The following ATG2B variants were observed in gnomAD, a reference collection of about 807,000 sequenced individuals.
ATG2B encodes the protein autophagy related 2B.
Under a neutral mutation model 241.3 loss-of-function variants are expected in ATG2B, and 121 were observed. The ratio of observed to expected loss-of-function variants is 0.50; its 90% CI spans 0.43 to 0.58. The LOEUF (loss-of-function observed/expected upper bound fraction) is 0.58. ATG2B is among the 20% of genes least tolerant of loss of function. The pLI, the probability that ATG2B is intolerant of heterozygous loss-of-function variation, is 0.00. For synonymous variants in ATG2B, 858 were observed against 876.6 expected, an observed-to-expected ratio of 0.98 and a Z score of 0.37; for missense variants, 2,306 against 2,491.6, an observed-to-expected ratio of 0.93 and a Z score of 1.59.
rs965970798 is a variant in ATG2B at position 96,279,923 on chromosome 14, T to C, written c.*5832A>G. 1 of 152,402 alleles carries C rather than the reference T, an allele frequency of 6.6e-6. No individual in the cohort carries two copies. Among genetic ancestry groups the C allele is most frequent in the Non-Finnish European group, 1.5e-5 (1 of 68,218 alleles). 9.4% of individuals were successfully genotyped at this position (152,402 alleles called of 1,614,324 possible). Reference sequence around the variant, plus strand: ...TGGCAACATCCCCTGCATCCTACAATGCACAGGCTGGTCCCAAATGTCAAC... The same window carrying C: ...TGGCAACATCCCCTGCATCCTACAACGCACAGGCTGGTCCCAAATGTCAAC... On this transcript the variant is annotated 3_prime_UTR_variant, in exon 42 of 42. Transcript: ENST00000359933.
chr14:96,322,212 C>T lies in ATG2B; in HGVS notation c.2779G>A (p.Asp927Asn). 6.3e-7 allele frequency: 1 copy of T among 1,596,866 alleles called. No individual in the cohort carries two copies. The highest frequency in any genetic ancestry group is 8.5e-7 in the Non-Finnish European group (1 of 1,174,982). The change falls in exon 18 of 42, where the codon GAT becomes AAT. Residue 927 changes from aspartate (D) to asparagine (N), a missense_variant. Transcript: ENST00000359933. ...TAGTGAGAATTGCTGATTGCTTTATCCTGAAATTCTGTCATTTCTACAGGG... is the reference window on the plus strand; with the variant it reads ...TAGTGAGAATTGCTGATTGCTTTATTCTGAAATTCTGTCATTTCTACAGGG... ...GDPVEMTEFQDKAISNSHYVL... is the reference protein window; with the variant it reads ...GDPVEMTEFQNKAISNSHYVL...
intron 29 of ATG2B, among the ~76,000 whole-genome samples, chr14:96,308,265 TATATATATATATA>T: frequency 3.8e-5 from 1 of 26,136 alleles, no homozygotes; most frequent in African/African-American, 1.3e-4. Context: ...CACATATATA[TATATATATATATA>T]TATATTTTTT....
At chr14:96,327,520 T>C (rs1056434951) in intron 14 of ATG2B, among the ~76,000 whole-genome samples, 1 of 152,118 alleles carries the variant, frequency 6.6e-6, no homozygotes, top group African/African-American at 2.4e-5. Flanking sequence ...TATCCCATAT[T>C]GTTTGGGCTT....
chr14:96,315,092 T>G (rs1595306936), intron 23 of ATG2B, 62 bp downstream of exon 23: 1 of 1,180,116 alleles, frequency 8.5e-7, no homozygotes, highest in South Asian at 1.3e-5. Context: ...CTTTTCAGTA[T>G]GTGTATTAGA....
intron 11 of ATG2B, among the ~76,000 whole-genome samples, chr14:96,330,173 A>G (rs60121386): frequency 0.028 from 4,216 of 152,004 alleles, 212 homozygotes; most frequent in African/African-American, 0.096. Context: ...AGTATGGTGA[A>G]ACCCCATCTC....
chr14:96,357,433 C>T (rs985341699), intron 1 of ATG2B, among the ~76,000 whole-genome samples: 3 of 152,152 alleles, frequency 2.0e-5, no homozygotes, highest in Non-Finnish European at 2.9e-5. Flanking sequence ...TCTTCCTATA[C>T]GTATATTCCC....
At chr14:96,328,319 T>A (rs1301332742) in intron 14 of ATG2B, 28 bp downstream of exon 14, 2 of 1,517,216 alleles carry the variant, frequency 1.3e-6, no homozygotes, top group Admixed American at 1.9e-5. Flanking sequence ...ATAATTATGA[T>A]TAGTATTTGC....
intron 7 of ATG2B, 102 bp downstream of exon 7, chr14:96,334,303 C>A: frequency 1.4e-6 from 1 of 729,700 alleles, no homozygotes; most frequent in South Asian, 2.0e-5. Flanking sequence ...TTCAGATATT[C>A]AAAAATAATA....
At chr14:96,309,120 A>G (rs1887081122) in intron 29 of ATG2B, among the ~76,000 whole-genome samples, 1 of 152,188 alleles carries the variant, frequency 6.6e-6, no homozygotes, top group African/African-American at 2.4e-5. Context: ...TCCTTTCCAA[A>G]CAGTAGAGGA....
At chr14:96,320,698 A>G (rs1887436772) in intron 18 of ATG2B, among the ~76,000 whole-genome samples, 1 of 152,200 alleles carries the variant, frequency 6.6e-6, no homozygotes, top group African/African-American at 2.4e-5. Context: ...AATCAAAAGC[A>G]ATCTGCTCAG....
At chr14:96,301,562 GTCTAAA>G (rs1204042422) in intron 34 of ATG2B, among the ~76,000 whole-genome samples, 1 of 152,200 alleles carries the variant, frequency 6.6e-6, no homozygotes, top group Non-Finnish European at 1.5e-5. Flanking sequence ...TTTAGGGAAA[GTCTAAA>G]TCTCTGTTGT....
Position 96,289,670 on chromosome 14 carries a change from T to C in ATG2B, c.5992A>G (p.Ser1998Gly), listed in dbSNP as rs1248349606. 3.7e-6 allele frequency: 6 copies of C among 1,614,080 alleles called. No homozygotes were observed. The highest frequency in any genetic ancestry group is 5.1e-6 in the Non-Finnish European group (6 of 1,180,016). Residue 1998 changes from serine (S) to glycine (G), a missense_variant, in exon 41 of 42, where the codon AGT (serine) becomes GGT (glycine). Physicochemically the swap from Ser to Gly is moderately conservative, Grantham distance 56. This residue lies in a region of ATG2B where 379 missense variants were observed against 480.4 expected (regional missense o/e 0.79). Coordinates refer to ENST00000359933, the MANE Select transcript of ATG2B (RefSeq NM_018036.7). The surrounding 1 kb of genome is among the most constrained non-coding windows in gnomAD (Gnocchi z 4.3). The stretch of plus-strand genomic sequence containing the variant: ...TATTCAGTTACCTCTTTCACAACAC[T>C]GTAGGCCTTGGCCACACCTTCCCTC... Reference protein sequence around the residue: ...DLREGVAKAYSVVKEGITDTA... With the variant: ...DLREGVAKAYGVVKEGITDTA...
intron 2 of ATG2B, among the ~76,000 whole-genome samples, chr14:96,345,722 G>A (rs907179578): frequency 2.6e-5 from 4 of 151,996 alleles, no homozygotes; most frequent in African/African-American, 9.7e-5. Context: ...TATAAGCAGG[G>A]GTTGACATAC....
chr14:96,282,764 G>A lies in ATG2B; in HGVS notation c.*2991C>T, dbSNP rs990240921. The A allele has an allele frequency of 2.0e-5, 3 of 152,174 alleles. No homozygotes were observed. The highest frequency in any genetic ancestry group is 2.4e-5 in the African/African-American group (1 of 41,440). 9.4% of individuals were successfully genotyped at this position (152,174 alleles called of 1,614,324 possible). On this transcript the variant is annotated 3_prime_UTR_variant, in exon 42 of 42. Coordinates refer to ENST00000359933, the MANE Select transcript of ATG2B (RefSeq NM_018036.7). ...AAAGACACTAAACCTACAGAACATC[G>A]TTTTTAAAGGAGATAGTTAAAAAGT...
chr14:96,313,129 G>C lies in ATG2B; in HGVS notation c.3778C>G (p.Leu1260Val), dbSNP rs1887207475. ...RPLYLPIRSLLTVETFSVSSS... is the reference protein window; with the variant it reads ...RPLYLPIRSLVTVETFSVSSS... Reference sequence around the variant, plus strand: ...GAAACACTGAATGTTTCCACGGTAAGAAGAGATCGGATTGGCAAATAAAGG... The same window carrying C: ...GAAACACTGAATGTTTCCACGGTAACAAGAGATCGGATTGGCAAATAAAGG... The change falls in exon 25 of 42, where the codon CTT becomes GTT. Residue 1260 changes from leucine to valine, a missense_variant. Leu to Val is a conservative substitution (Grantham distance 32). Around this residue, in one of 2 missense-constraint regions of ATG2B, gnomAD observed 1,927 missense variants for 2,011.2 expected, o/e 0.96. Coordinates refer to ENST00000359933, the MANE Select transcript of ATG2B (RefSeq NM_018036.7). The C allele has an allele frequency of 6.2e-7, 1 of 1,613,546 alleles. No homozygotes were observed. Among genetic ancestry groups the C allele is most frequent in the Non-Finnish European group, 8.5e-7 (1 of 1,179,668 alleles).
In ATG2B at chr14:96,315,546, T is replaced by C. The variant is rs751840820; in HGVS notation, c.3399A>G (p.Arg1133=). 2 of 1,613,900 alleles carry C rather than the reference T, an allele frequency of 1.2e-6. No individual in the cohort carries two copies. The highest frequency in any genetic ancestry group is 2.2e-5 in the East Asian group (1 of 44,884). ...VNGVILPTET[R]LPSSTRPHWL... is the part of the protein sequence containing the mutation. Reference sequence around the variant, plus strand: ...AGTGTGGGCGGGTTGAGCTGGGAAGTCGTGTTTCTGTCGGGAGAATCACTC... The same window carrying C: ...AGTGTGGGCGGGTTGAGCTGGGAAGCCGTGTTTCTGTCGGGAGAATCACTC... The change falls in exon 22 of 42, where the codon CGA becomes CGG. Residue 1133 remains arginine, a synonymous_variant. Transcript: ENST00000359933.
Position 96,290,821 on chromosome 14 carries a change from T to C in ATG2B, c.5694A>G (p.Val1898=), listed in dbSNP as rs1272344443. ...AAAAAGAAGAAAACTCACCTAATTG[T>C]ACTAGTGAATGCATAGGTCCAACAC... is the stretch of plus-strand genomic sequence containing the variant. ...LGGVGPMHSL[V]QLVQGLKDLV... Residue 1898 remains valine (V), a synonymous_variant, in exon 39 of 42, where the codon GTA becomes GTG. Coordinates refer to ENST00000359933, the MANE Select transcript of ATG2B (RefSeq NM_018036.7). The surrounding 1 kb of genome is among the most constrained non-coding windows in gnomAD (Gnocchi z 4.4). 6.2e-7 allele frequency: 1 copy of C among 1,607,192 alleles called. No homozygotes were observed. The highest frequency in any genetic ancestry group is 8.5e-7 in the Non-Finnish European group (1 of 1,178,338).
At chr14:96,314,830 A>G (rs1219357144) in intron 23 of ATG2B, among the ~76,000 whole-genome samples, 2 of 152,244 alleles carry the variant, frequency 1.3e-5, no homozygotes, top group Non-Finnish European at 2.9e-5. Context: ...CCTCTCCAGT[A>G]GCTGGGATTA....
chr14:96,310,939 A>G (rs1887135419), intron 28 of ATG2B, among the ~76,000 whole-genome samples, 178 bp downstream of exon 28: 1 of 152,232 alleles, frequency 6.6e-6, no homozygotes, highest in African/African-American at 2.4e-5. Context: ...AAAACAGCAG[A>G]ATGGTTTTCC....
Sources: allele counts gnomAD v4.1 joint callset (sites outside exome capture counted in the v4.1 genomes callset), GRCh38; gene constraint gnomAD v4.1.1; regional missense constraint gnomAD v4.1.1; non-coding constraint Gnocchi (gnomAD v3.1); transcripts MANE v1.5; gene names NCBI Gene and HGNC (gene_info 2026-07-23, HGNC 2026-07-21).